CDK15: variants seen among roughly 807,000 people sequenced by gnomAD.
CDK15 encodes the protein cyclin-dependent kinase 15.
In CDK15, 62 loss-of-function variants were observed where a neutral mutation model predicts 60.3. The observed-to-expected ratio is 1.03, with a 90% CI of 0.84 to 1.27. The LOEUF is 1.27. Ranked by LOEUF, CDK15 falls within the 50% of genes most tolerant of loss-of-function variation. CDK15 has a pLI of 0.00. For synonymous variants in CDK15, 194 were observed against 195.7 expected (o/e 0.99, Z 0.07); for missense variants, 541 against 527.8 (o/e 1.03, Z -0.25).
At chr2:201,847,514 A>G in intron 9 of CDK15, 40 bp downstream of exon 9, 5 of 1,581,958 alleles carry the variant, frequency 3.2e-6, no homozygotes, top group Non-Finnish European at 4.3e-6. Flanking sequence ...AAATATCTGC[A>G]TTTTAAGTTT....
Position 201,807,891 on chromosome 2 carries a change from T to G in CDK15, c.307T>G (p.Tyr103Asp), listed in dbSNP as rs138441846. The G allele has an allele frequency of 1.1e-4, 173 of 1,614,192 alleles. 1 individual carries two copies. The African/African-American group carries it at 2.1e-3, about 19-fold the overall frequency. The change falls in exon 3 of 14, where the codon TAC (tyrosine) becomes GAC (aspartate). Residue 103 changes from tyrosine (Y) to aspartate (D), a missense_variant. Transcript: ENST00000652192. The part of the protein sequence containing the change: ...KSLPFGAASS[Y>D]LNLEKLGEGS... ...CCTCCCTTTTGGGGCAGCCTCATCTTACTTGAACTTGGAGAAGCTGGGTGA... is the reference window on the plus strand; with the variant it reads ...CCTCCCTTTTGGGGCAGCCTCATCTGACTTGAACTTGGAGAAGCTGGGTGA...
At position 201,823,693 on chromosome 2, in the gene CDK15, A is replaced by G. The variant is rs1324299118; in HGVS notation, c.572A>G (p.Gln191Arg). 1 of 1,613,894 alleles carries G rather than the reference A, an allele frequency of 6.2e-7. No individual in the cohort carries two copies. Among genetic ancestry groups the G allele is most frequent in the East Asian group, 2.2e-5 (1 of 44,866 alleles). The change falls in exon 6 of 14, where the codon CAG becomes CGG. Residue 191 changes from glutamine to arginine, a missense_variant. Gln to Arg is a conservative substitution (Grantham distance 43). Coordinates refer to ENST00000652192, the MANE Select transcript of CDK15 (RefSeq NM_001366386.2). Reference protein sequence around the residue: ...MHTDLAQYMSQHPGGLHPHNV... With the variant: ...MHTDLAQYMSRHPGGLHPHNV... ...ACAGACCTGGCCCAGTATATGTCTCAGCATCCAGGAGGGCTTCATCCTCAT... is the reference window on the plus strand; with the variant it reads ...ACAGACCTGGCCCAGTATATGTCTCGGCATCCAGGAGGGCTTCATCCTCAT...
chr2:201,823,641 C>T (rs748510409), intron 5 of CDK15, 24 bp from the exon 6 acceptor site: 1 of 1,609,188 alleles, frequency 6.2e-7, no homozygotes, highest in African/African-American at 1.3e-5. Flanking sequence ...TCACTCACTT[C>T]TCTTTCTCCG....
At chr2:201,842,906 G>T (rs920915162) in intron 8 of CDK15, among the ~76,000 whole-genome samples, 3 of 152,132 alleles carry the variant, frequency 2.0e-5, no homozygotes, top group Admixed American at 6.5e-5. Flanking sequence ...TGCCCCACGG[G>T]TATCTCCACA....
In CDK15 at chr2:201,890,453, A is replaced by T. The variant is rs12052900; in HGVS notation, c.1199-332A>T. ...CTCCATAGACTTGGAGGGAGAGGTT[A>T]TCATAATCCTTTGTTTGTGCCTCAC... On this transcript the variant is annotated intron_variant, in intron 12 of 13. Coordinates refer to ENST00000652192, the MANE Select transcript of CDK15 (RefSeq NM_001366386.2). 2.8e-4 allele frequency among the ~76,000 whole-genome samples: 42 copies of T among 152,286 alleles called. No individual in the cohort carries two copies. In the East Asian group the frequency reaches 7.5e-3, roughly 27 times the overall value.
intron 3 of CDK15, among the ~76,000 whole-genome samples, chr2:201,809,415 A>G (rs147727696): frequency 1.3e-5 from 2 of 152,098 alleles, no homozygotes; most frequent in Non-Finnish European, 2.9e-5. Flanking sequence ...CCCCAGCTCC[A>G]TTTATTAGAT....
At chr2:201,891,066 C>A in intron 13 of CDK15, 139 bp downstream of exon 13, 1 of 494,360 alleles carries the variant, frequency 2.0e-6, no homozygotes, top group South Asian at 3.7e-5. Context: ...GGACAGGTGG[C>A]CTTGCCTCTT....
intron 12 of CDK15, among the ~76,000 whole-genome samples, chr2:201,883,482 G>A (rs1240366277): frequency 6.6e-6 from 1 of 152,186 alleles, no homozygotes; most frequent in African/African-American, 2.4e-5. Context: ...GAGCCAAAGG[G>A]CATTTATCAG....
At chr2:201,881,011 G>A (rs2105833629) in intron 12 of CDK15, among the ~76,000 whole-genome samples, 1 of 152,296 alleles carries the variant, frequency 6.6e-6, no homozygotes, top group Non-Finnish European at 1.5e-5. Context: ...CTAAGCCAGA[G>A]AAAAGAAAGC....
chr2:201,836,747 A>T (rs1489286126), intron 8 of CDK15, among the ~76,000 whole-genome samples: 4 of 151,558 alleles, frequency 2.6e-5, no homozygotes, highest in African/African-American at 9.7e-5. Context: ...ATGCACACAC[A>T]TCTGCATGAA....
chr2:201,874,695 G>A (rs977408011), intron 11 of CDK15, among the ~76,000 whole-genome samples: 1 of 152,190 alleles, frequency 6.6e-6, no homozygotes, highest in Non-Finnish European at 1.5e-5. Flanking sequence ...CCCGGGGCTT[G>A]CTTGAGGTTT....
At chr2:201,884,385 TAGAG>T (rs1699384544) in intron 12 of CDK15, among the ~76,000 whole-genome samples, 2 of 152,240 alleles carry the variant, frequency 1.3e-5, no homozygotes, top group Admixed American at 1.3e-4. Flanking sequence ...CCCCCATTGT[TAGAG>T]TATACTTATA....
intron 10 of CDK15, chr2:201,861,482 A>C: frequency 1.0e-6 from 1 of 984,374 alleles, no homozygotes; most frequent in Non-Finnish European, 1.2e-6. Context: ...ATTGAATTGC[A>C]TCTGCTATAG....
At chr2:201,847,539 C>T (rs1697725530) in intron 9 of CDK15, 65 bp downstream of exon 9, 5 of 1,405,858 alleles carry the variant, frequency 3.6e-6, no homozygotes, top group Non-Finnish European at 4.0e-6. Context: ...CCAAATTTGC[C>T]TTACAGACAA....
intron 2 of CDK15, 83 bp from the exon 3 acceptor site, chr2:201,807,775 G>C: frequency 1.3e-6 from 2 of 1,542,864 alleles, no homozygotes; most frequent in Non-Finnish European, 1.8e-6. Context: ...TAATTTCCCT[G>C]GGGAAAAAAA....
In CDK15 at chr2:201,895,261, G is replaced by GAT. The variant is rs1699745717; in HGVS notation, c.*1995_*1996dup. The GAT allele has an allele frequency of 1.3e-5, 2 of 152,174 alleles. No homozygotes were observed. The highest frequency in any genetic ancestry group is 2.4e-5 in the African/African-American group (1 of 41,442). The allele number at this position is 152,174 out of a possible 1,614,324, so 9.4% of individuals were successfully genotyped here. A position where few individuals can be genotyped will look rare whatever the true frequency, so the allele number is the denominator to read the frequency against. On this transcript the variant is annotated 3_prime_UTR_variant, in exon 14 of 14. Transcript: ENST00000652192. Reference sequence around the variant, plus strand: ...AATGACTTTGGAACAGCTGTGTACAGATTATACTTGGAATTATGCTTAGAT... The same window carrying GAT: ...AATGACTTTGGAACAGCTGTGTACAGATATTATACTTGGAATTATGCTTAGAT...
intron 11 of CDK15, among the ~76,000 whole-genome samples, chr2:201,879,769 C>T (rs145592773): frequency 1.3e-5 from 2 of 151,874 alleles, no homozygotes; most frequent in Non-Finnish European, 2.9e-5. Context: ...TACATGGTGC[C>T]CAGACACACG....
At chr2:201,851,955 G>A (rs1237647738) in intron 9 of CDK15, among the ~76,000 whole-genome samples, 3 of 151,990 alleles carry the variant, frequency 2.0e-5, no homozygotes, top group Admixed American at 6.6e-5. Context: ...CACCGTGCCC[G>A]GCCCTTTGCC....
At chr2:201,831,232 A>T (rs992699673) in intron 6 of CDK15, among the ~76,000 whole-genome samples, 1 of 152,050 alleles carries the variant, frequency 6.6e-6, no homozygotes, top group African/African-American at 2.4e-5. Context: ...TCCAGGGGGG[A>T]TGGAAGGACT....
Sources: gnomAD v4.1 joint callset for allele counts (sites outside exome capture counted in the v4.1 genomes callset) on GRCh38, gnomAD v4.1.1 for gene constraint, MANE v1.5 for transcripts, NCBI Gene and HGNC (gene_info 2026-07-23, HGNC 2026-07-21) for gene names.